The following TULP4 variants were observed in gnomAD, a reference collection of about 807,000 sequenced individuals.
TULP4 encodes tubby-related protein 4.
A neutral mutation model predicts 129.0 loss-of-function variants in TULP4; 16 were observed. That is an observed-to-expected ratio of 0.12 (90% CI 0.08 to 0.19). TULP4 has a LOEUF of 0.19. TULP4 is among the 10% of genes least tolerant of loss of function. The pLI is 1.00. For synonymous variants in TULP4, 998 were observed against 854.0 expected (o/e 1.17, Z -2.94); for missense variants, 1,842 against 2,059.1 (o/e 0.89, Z 2.04).
chr6:158,356,272 G>C (rs1288470127), intron 1 of TULP4, among the ~76,000 whole-genome samples: 3 of 152,108 alleles, frequency 2.0e-5, no homozygotes, highest in Non-Finnish European at 4.4e-5. Context: ...AAGTGGCCTA[G>C]GGGGTCCCAA....
rs1426412262 is a variant in TULP4 at position 158,343,933 on chromosome 6, C to G, written c.252+29665C>G. On this transcript the variant is annotated intron_variant, in intron 1 of 13. Coordinates refer to ENST00000367097, the MANE Select transcript of TULP4 (RefSeq NM_020245.5). ...AAGCCATCATATCCCCTGTGACCTG[C>G]ACGTATACATCCAGATGGCCTGAAG... is the stretch of plus-strand genomic sequence containing the variant. Among the ~76,000 whole-genome samples the G allele has an allele frequency of 3.3e-5, 5 of 152,310 alleles. No homozygotes were observed. The East Asian group carries it at 9.6e-4, about 29-fold the overall frequency.
chr6:158,320,881 C>T (rs1483792534), intron 1 of TULP4, among the ~76,000 whole-genome samples: 2 of 152,158 alleles, frequency 1.3e-5, no homozygotes, highest in African/African-American at 4.8e-5. Context: ...TCTGACCCTG[C>T]CCCTTGTCCC....
intron 1 of TULP4, among the ~76,000 whole-genome samples, chr6:158,269,613 C>G (rs1778510787): frequency 1.3e-5 from 2 of 152,134 alleles, no homozygotes; most frequent in South Asian, 4.1e-4. Context: ...CAGATGGAAT[C>G]AGGGTCAATG....
chr6:158,303,029 A>G (rs1779156850), intron 1 of TULP4, among the ~76,000 whole-genome samples: 1 of 147,496 alleles, frequency 6.8e-6, no homozygotes, highest in Admixed American at 6.9e-5. Context: ...AATAATAGAA[A>G]CATCAGACCC....
At chr6:158,238,980 C>T (rs1777785397) in intron 1 of TULP4, among the ~76,000 whole-genome samples, 3 of 142,956 alleles carry the variant, frequency 2.1e-5, no homozygotes, top group Admixed American at 6.9e-5. Flanking sequence ...GGCAGAGGGG[C>T]TCCTCACTTC....
chr6:158,484,888 C>G (rs1039004611), intron 8 of TULP4, among the ~76,000 whole-genome samples: 4 of 152,258 alleles, frequency 2.6e-5, no homozygotes, highest in African/African-American at 9.6e-5. Flanking sequence ...TTTTGTTTTT[C>G]TGGAGAACCC....
intron 1 of TULP4, among the ~76,000 whole-genome samples, chr6:158,333,143 CTACCAAAAGGATGT>C (rs1779950574): frequency 6.6e-6 from 1 of 152,104 alleles, no homozygotes; most frequent in African/African-American, 2.4e-5. Context: ...AAAACCAAAC[CTACCAAAAGGATGT>C]CATGGACTGA....
At chr6:158,374,278 C>A (rs1391771315) in intron 1 of TULP4, among the ~76,000 whole-genome samples, 2 of 136,956 alleles carry the variant, frequency 1.5e-5, no homozygotes, top group East Asian at 3.9e-4. Flanking sequence ...CAGAGTGAGA[C>A]CTTGTCTTTA....
In TULP4 at chr6:158,236,795, C is replaced by CTTTTTTTTTTTTTTT. The variant is rs71030149; in HGVS notation, n.68+4514_68+4528dup. 2.1e-3 allele frequency among the ~76,000 whole-genome samples: 130 copies of CTTTTTTTTTTTTTTT among 63,268 alleles called. 22 individuals carry two copies. The highest frequency in any genetic ancestry group is 2.9e-3 in the East Asian group (9 of 3,082). The allele number at this position is 63,268 out of a possible 152,430, so 41.5% of individuals were successfully genotyped here. A position where few individuals can be genotyped will look rare whatever the true frequency, so the allele number is the denominator to read the frequency against. On this transcript the variant is annotated intron_variant and non_coding_transcript_variant, in intron 1 of 1. Coordinates refer to the TULP4 transcript ENST00000620026. ...AGATGGGTAAATGCCCAATTCTTTT[C>CTTTTTTTTTTTTTTT]TTTTTTTTTTTTTTTTTTTTTTTTT...
intron 3 of TULP4, among the ~76,000 whole-genome samples, chr6:158,447,352 A>G (rs979307673): frequency 6.6e-6 from 1 of 152,038 alleles, no homozygotes; most frequent in Non-Finnish European, 1.5e-5. Context: ...CCTAGTAGTT[A>G]TGTCTTTCCT....
At chr6:158,461,862 G>A (rs544283535) in intron 6 of TULP4, 133 bp downstream of exon 6, 4 of 1,093,556 alleles carry the variant, frequency 3.7e-6, no homozygotes, top group African/African-American at 3.2e-5. Context: ...GGAGAAATAA[G>A]GGAGAAAGCA....
intron 1 of TULP4, among the ~76,000 whole-genome samples, chr6:158,320,923 G>A (rs934400715): frequency 2.6e-5 from 4 of 152,078 alleles, no homozygotes; most frequent in Non-Finnish European, 5.9e-5. Flanking sequence ...CTCTGGTTGC[G>A]CTGATCATGC....
chr6:158,268,468 T>C (rs1778490732), intron 1 of TULP4, among the ~76,000 whole-genome samples: 1 of 152,204 alleles, frequency 6.6e-6, no homozygotes, highest in African/African-American at 2.4e-5. Context: ...CAAAATACCT[T>C]AGACTGGGTA....
intron 2 of TULP4, among the ~76,000 whole-genome samples, chr6:158,421,950 T>A (rs538777587): frequency 6.6e-6 from 1 of 152,320 alleles, no homozygotes; most frequent in East Asian, 1.9e-4. Flanking sequence ...TCCTTCATTG[T>A]ATACCGGAAT....
At chr6:158,412,543 T>A (rs1363642197) in intron 1 of TULP4, among the ~76,000 whole-genome samples, 1 of 46,504 alleles carries the variant, frequency 2.2e-5, no homozygotes, top group Non-Finnish European at 4.2e-5. Context: ...CAACTTAGAT[T>A]TTTCAAGTAT....
chr6:158,433,794 T>C (rs1778689249), intron 3 of TULP4, among the ~76,000 whole-genome samples: 2 of 152,258 alleles, frequency 1.3e-5, no homozygotes, highest in African/African-American at 2.4e-5. Flanking sequence ...TACTTCAGGC[T>C]AAAATTCATC....
intron 1 of TULP4, chr6:158,242,472 A>C: frequency 3.5e-6 from 3 of 866,802 alleles, no homozygotes; most frequent in Non-Finnish European, 6.0e-6. Context: ...ACGGTGTAAC[A>C]CTTATCCATA....
chr6:158,335,407 G>A (rs1303787339), intron 1 of TULP4, among the ~76,000 whole-genome samples: 3 of 151,468 alleles, frequency 2.0e-5, no homozygotes, highest in Non-Finnish European at 4.4e-5. Flanking sequence ...AAATACAGTT[G>A]TTTTTGTTTC....
chr6:158,237,597 G>C, intron 1 of TULP4: 1 of 1,494,416 alleles, frequency 6.7e-7, no homozygotes, highest in East Asian at 2.3e-5. Flanking sequence ...TTCCCTGGTA[G>C]AAAGAACATT....
Sources: allele counts gnomAD v4.1 joint callset (sites outside exome capture counted in the v4.1 genomes callset), GRCh38; gene constraint gnomAD v4.1.1; transcripts MANE v1.5; gene names NCBI Gene and HGNC (gene_info 2026-07-23, HGNC 2026-07-21).